Variants in ATAD5 observed in about 807,000 individuals in gnomAD.
ATAD5 encodes the protein ATPase family AAA domain containing 5, also known as ATPase family AAA domain-containing protein 5.
In ATAD5, 58 loss-of-function variants were observed where a neutral mutation model predicts 176.9. That is an observed-to-expected ratio of 0.33 (90% CI 0.27 to 0.41). The LOEUF (loss-of-function observed/expected upper bound fraction) is 0.41, where lower values mean the gene tolerates loss of function less well. ATAD5 is among the 10% of genes least tolerant of loss of function. The pLI, the probability that ATAD5 is intolerant of heterozygous loss-of-function variation, is 1.00. For missense variants in ATAD5, 1,789 were observed against 2,094.1 expected (o/e 0.85, Z 2.84); for synonymous variants, 640 against 712.6 (o/e 0.90, Z 1.62).
chr17:30,832,626 G>A (rs1441580218), intron 1 of ATAD5, among the ~76,000 whole-genome samples: 2 of 145,926 alleles, frequency 1.4e-5, no homozygotes, highest in South Asian at 2.4e-4. Flanking sequence ...TGAGATATTT[G>A]CGGGGTCACA....
intron 18 of ATAD5, among the ~76,000 whole-genome samples, chr17:30,882,424 T>G (rs116410527): frequency 6.6e-6 from 1 of 151,460 alleles, no homozygotes; most frequent in Non-Finnish European, 1.5e-5. Context: ...ATTAGCTGGA[T>G]GTAAAAAGAA....
chr17:30,880,134 TC>T (rs1908926317), intron 18 of ATAD5, among the ~76,000 whole-genome samples: 2 of 151,350 alleles, frequency 1.3e-5, no homozygotes, highest in South Asian at 4.2e-4. Context: ...AAACCCTGTC[TC>T]TACACAAAAA....
rs2142398767 is a variant in ATAD5 at position 30,869,701 on chromosome 17, A to G, written c.3607+55A>G. On this transcript the variant is annotated intron_variant, in intron 14 of 22. Coordinates refer to ENST00000321990, the MANE Select transcript of ATAD5 (RefSeq NM_024857.5). ...TGTTTTGAAAAAAATAAAATCTAAG[A>G]AAGTAATGTTAATTATCAGCATTTT... The G allele has an allele frequency of 2.6e-6, 4 of 1,521,546 alleles. No individual in the cohort carries two copies. The East Asian group carries it at 9.2e-5, about 35-fold the overall frequency. The allele number at this position is 1,521,546 out of a possible 1,614,324, so 94.3% of individuals were successfully genotyped here.
intron 3 of ATAD5, among the ~76,000 whole-genome samples, chr17:30,839,820 G>A (rs2142313661): frequency 7.0e-6 from 1 of 143,528 alleles, no homozygotes; most frequent in South Asian, 2.3e-4. Context: ...CCTGACTTCA[G>A]GTGATCCACC....
At position 30,876,568 on chromosome 17, in the gene ATAD5, C is replaced by A; in HGVS notation, c.3784+18C>A. 6.8e-7 allele frequency: 1 copy of A among 1,468,750 alleles called. No individual in the cohort carries two copies. Among genetic ancestry groups the A allele is most frequent in the Non-Finnish European group, 9.3e-7 (1 of 1,076,196 alleles). 91.0% of individuals were successfully genotyped at this position (1,468,750 alleles called of 1,614,324 possible). On this transcript the variant is annotated intron_variant, in intron 15 of 22. Coordinates refer to ENST00000321990, the MANE Select transcript of ATAD5 (RefSeq NM_024857.5). ...TAATAAAGGTAAGACATTAAATTGACAAATTTTATATTTTTTAATAATAAT... is the reference window on the plus strand; with the variant it reads ...TAATAAAGGTAAGACATTAAATTGAAAAATTTTATATTTTTTAATAATAAT...
intron 1 of ATAD5, among the ~76,000 whole-genome samples, chr17:30,832,946 C>G (rs1905471703): frequency 6.6e-6 from 1 of 152,160 alleles, no homozygotes; most frequent in Non-Finnish European, 1.5e-5. Context: ...TTGGGTTTAT[C>G]AGGTTTCAGT....
intron 10 of ATAD5, among the ~76,000 whole-genome samples, chr17:30,865,266 G>A (rs913565354): frequency 1.3e-5 from 2 of 150,688 alleles, no homozygotes; most frequent in East Asian, 2.0e-4. Context: ...TCCGCCTCCC[G>A]GGTTCACACC....
intron 18 of ATAD5, among the ~76,000 whole-genome samples, chr17:30,882,681 CCTTCA>C (rs1219191751): frequency 6.6e-6 from 1 of 152,176 alleles, no homozygotes; most frequent in African/African-American, 2.4e-5. Context: ...TTTCATTTCA[CCTTCA>C]CTGTTGGCTT....
intron 10 of ATAD5, chr17:30,864,735 A>G (rs1907869525): frequency 6.6e-6 from 1 of 152,206 alleles, no homozygotes; most frequent in Non-Finnish European, 1.5e-5. Flanking sequence ...AAAGGAGAAC[A>G]TGCATTATTT....
chr17:30,846,130 T>A (rs1268374978), intron 6 of ATAD5, among the ~76,000 whole-genome samples: 1 of 152,170 alleles, frequency 6.6e-6, no homozygotes, highest in African/African-American at 2.4e-5. Flanking sequence ...CTCTTTCCTA[T>A]TATCCCCACC....
rs925161686 is a variant in ATAD5, at chr17:30,858,300, C to A, written c.2933C>A (p.Ser978Tyr). The change falls in exon 9 of 23, where the codon TCT becomes TAT. Residue 978 changes from serine (S) to tyrosine (Y), a missense_variant. This residue lies in a region of ATAD5 where 487 missense variants were observed against 573.6 expected (regional missense o/e 0.85). Transcript: ENST00000321990. Reference sequence around the variant, plus strand: ...AAACAAATTGAGCACCAAGTACTTTCTTCCGAGTGTCATAGTAAACAAGGT... The same window carrying A: ...AAACAAATTGAGCACCAAGTACTTTATTCCGAGTGTCATAGTAAACAAGGT... ...LKKQIEHQVL[S>Y]SECHSKQELE... The A allele has an allele frequency of 1.9e-6, 3 of 1,557,132 alleles. No individual in the cohort carries two copies. Among genetic ancestry groups the A allele is most frequent in the Admixed American group, 1.9e-5 (1 of 53,226 alleles).
intron 8 of ATAD5, among the ~76,000 whole-genome samples, chr17:30,857,702 A>C (rs1234844291): frequency 6.6e-6 from 1 of 152,054 alleles, no homozygotes; most frequent in Admixed American, 6.6e-5. Flanking sequence ...GAGAAAAATA[A>C]ATTAATTCTT....
intron 2 of ATAD5, among the ~76,000 whole-genome samples, 189 bp from the exon 3 acceptor site, chr17:30,837,017 G>A (rs931143561): frequency 6.6e-6 from 1 of 152,050 alleles, no homozygotes; most frequent in Non-Finnish European, 1.5e-5. Context: ...CTGGAAACAA[G>A]TTCTCACTGT....
intron 3 of ATAD5, among the ~76,000 whole-genome samples, chr17:30,839,962 G>T (rs1308829975): frequency 2.0e-5 from 3 of 151,982 alleles, no homozygotes; most frequent in African/African-American, 7.2e-5. Context: ...ACTTTGGGAG[G>T]CTAAGGCAGG....
intron 18 of ATAD5, among the ~76,000 whole-genome samples, 200 bp downstream of exon 18, chr17:30,879,687 G>A (rs947201863): frequency 4.6e-5 from 7 of 151,210 alleles, no homozygotes; most frequent in East Asian, 2.0e-4. Context: ...CTCAGCCTCC[G>A]AAGTAGCTGG....
chr17:30,893,529 A>C lies in ATAD5; in HGVS notation c.4676A>C (p.Lys1559Thr). 1 of 1,611,416 alleles carries C rather than the reference A, an allele frequency of 6.2e-7. No homozygotes were observed. The highest frequency in any genetic ancestry group is 1.1e-5 in the South Asian group (1 of 90,268). ...RKHSEREQPLKKSQKKKQKKT... is the reference protein window; with the variant it reads ...RKHSEREQPLTKSQKKKQKKT... ...CACTCTGAAAGAGAACAGCCATTGA[A>C]AAAGTCCCAGAAAAAGAAACAAAAG... The change falls in exon 21 of 23, where the codon AAA (lysine) becomes ACA (threonine). Residue 1559 changes from lysine (K) to threonine (T), a missense_variant. Lys to Thr is a moderately conservative substitution (Grantham distance 78). This residue lies in a region of ATAD5 where 403 missense variants were observed against 495.1 expected (regional missense o/e 0.81). Coordinates refer to ENST00000321990, the MANE Select transcript of ATAD5 (RefSeq NM_024857.5).
intron 10 of ATAD5, among the ~76,000 whole-genome samples, chr17:30,862,333 A>AG (rs1447795847): frequency 6.7e-6 from 1 of 148,522 alleles, no homozygotes; most frequent in East Asian, 2.0e-4. Flanking sequence ...GACTCCGTCT[A>AG]GGGGGCAAAA....
chr17:30,889,163 TTTC>T (rs1436285887), intron 19 of ATAD5, among the ~76,000 whole-genome samples: 1 of 144,236 alleles, frequency 6.9e-6, no homozygotes, highest in Non-Finnish European at 1.5e-5. Flanking sequence ...TTTTCTTTTC[TTTC>T]TTTTTTTTTT....
chr17:30,854,309 T>G (rs146932505), intron 6 of ATAD5, among the ~76,000 whole-genome samples: 2,421 of 147,720 alleles, frequency 0.016, 34 homozygotes, highest in Middle Eastern at 0.043. Context: ...TTAGGTAAAT[T>G]TATTACCTAA....
Sources: allele counts gnomAD v4.1 joint callset (sites outside exome capture counted in the v4.1 genomes callset), GRCh38; gene constraint gnomAD v4.1.1; regional missense constraint gnomAD v4.1.1; transcripts MANE v1.5; gene names NCBI Gene and HGNC (gene_info 2026-07-23, HGNC 2026-07-21).